Variants in RELN observed in about 807,000 individuals in gnomAD.
The protein encoded by RELN is reelin.
Under a neutral mutation model 427.6 loss-of-function variants are expected in RELN, and 108 were observed. The observed-to-expected ratio is 0.25, with a 90% confidence interval of 0.22 to 0.30. The LOEUF (loss-of-function observed/expected upper bound fraction) is 0.30, where lower values mean the gene tolerates loss of function less well. RELN is among the 10% of genes least tolerant of loss of function. RELN has a pLI of 1.00. For missense variants in RELN, 3,715 were observed against 4,302.8 expected (o/e 0.86, Z 3.82); for synonymous variants, 1,524 against 1,513.4 (o/e 1.01, Z -0.16).
intron 30 of RELN, 61 bp from the exon 31 acceptor site, chr7:103,572,321 G>A (rs1040180520): frequency 2.1e-5 from 19 of 912,240 alleles, no homozygotes; most frequent in African/African-American, 1.8e-4. Context: ...GTAAGCATTA[G>A]CGTTTTGACA....
In RELN at chr7:103,500,827, C is replaced by T. The variant is rs1189962234; in HGVS notation, c.8585G>A (p.Gly2862Asp). 6.2e-7 allele frequency: 1 copy of T among 1,614,106 alleles called. No homozygotes were observed. The highest frequency in any genetic ancestry group is 2.2e-5 in the East Asian group (1 of 44,886). The change falls in exon 53 of 65, where the codon GGC becomes GAC. Residue 2862 changes from glycine (G) to aspartate (D), a missense_variant. Gly to Asp is a moderately conservative substitution (Grantham distance 94, BLOSUM62 -1). Around this residue, in one of 4 missense-constraint regions of RELN, gnomAD observed 1,310 missense variants for 1,643.0 expected, o/e 0.80. Transcript: ENST00000428762. ...LGPGCLDNCRGHGDCLREQCI... is the reference protein window; with the variant it reads ...LGPGCLDNCRDHGDCLREQCI... ...CTGTTCCCTTAAGCAATCTCCATGG[C>T]CCCTGCAGTTGTCCAAGCATCCAGG...
chr7:103,691,643 T>C (rs1240195528), intron 10 of RELN, among the ~76,000 whole-genome samples: 1 of 151,942 alleles, frequency 6.6e-6, no homozygotes, highest in Non-Finnish European at 1.5e-5. Flanking sequence ...CAAAACCCCA[T>C]CTTTACTAAA....
intron 10 of RELN, among the ~76,000 whole-genome samples, chr7:103,693,540 CA>C (rs1418308790): frequency 8.3e-6 from 1 of 120,526 alleles, no homozygotes; most frequent in East Asian, 2.4e-4. Flanking sequence ...CAAAATCCAG[CA>C]AAATAAAAAA....
At chr7:103,777,337 C>G (rs1388769446) in intron 3 of RELN, among the ~76,000 whole-genome samples, 1 of 152,084 alleles carries the variant, frequency 6.6e-6, no homozygotes, top group African/African-American at 2.4e-5. Flanking sequence ...TAAAAAGAAT[C>G]TTTCTGGCAC....
At position 103,753,977 on chromosome 7, in the gene RELN, T is replaced by C. The variant is rs1175863105; in HGVS notation, c.545-763A>G. Among the ~76,000 whole-genome samples, 7 of 152,324 alleles carry C rather than the reference T, an allele frequency of 4.6e-5. No individual in the cohort carries two copies. In the East Asian group the frequency reaches 7.7e-4, roughly 17 times the overall value. On this transcript the variant is annotated intron_variant, in intron 4 of 64. Coordinates refer to ENST00000428762, the MANE Select transcript of RELN (RefSeq NM_005045.4). ...TTCTAATAAAAATGAAAACATTTTG[T>C]CAAGGTGGATCTGGACATTAAAGGA...
At chr7:103,674,923 C>T (rs1289714424) in intron 11 of RELN, among the ~76,000 whole-genome samples, 1 of 152,138 alleles carries the variant, frequency 6.6e-6, no homozygotes, top group East Asian at 1.9e-4. Flanking sequence ...AACCCACAGC[C>T]AATATCATAC....
At chr7:103,884,648 A>C (rs1326822622) in intron 2 of RELN, among the ~76,000 whole-genome samples, 1 of 152,238 alleles carries the variant, frequency 6.6e-6, no homozygotes, top group Non-Finnish European at 1.5e-5. Context: ...TTCTCAAAAG[A>C]AGACATTTAT....
At chr7:103,940,104 G>T (rs1796079530) in intron 1 of RELN, among the ~76,000 whole-genome samples, 1 of 152,136 alleles carries the variant, frequency 6.6e-6, no homozygotes, top group African/African-American at 2.4e-5. Context: ...CAAAAAAATG[G>T]AAAGAAATAT....
chr7:103,727,227 A>G (rs1790234209), intron 7 of RELN, among the ~76,000 whole-genome samples: 1 of 152,156 alleles, frequency 6.6e-6, no homozygotes, highest in Non-Finnish European at 1.5e-5. Flanking sequence ...AGAAGGGTGA[A>G]AAATACAACC....
At chr7:103,965,325 T>C (rs1449891611) in intron 1 of RELN, among the ~76,000 whole-genome samples, 2 of 152,162 alleles carry the variant, frequency 1.3e-5, no homozygotes, top group Non-Finnish European at 2.9e-5. Context: ...ATGCTGAAAA[T>C]AACTCAGAAG....
intron 3 of RELN, among the ~76,000 whole-genome samples, chr7:103,778,876 T>C (rs1016998251): frequency 6.6e-6 from 1 of 152,314 alleles, no homozygotes; most frequent in East Asian, 1.9e-4. Flanking sequence ...AGCCCTAGCT[T>C]TTCAAAATTA....
intron 12 of RELN, among the ~76,000 whole-genome samples, chr7:103,658,074 C>T (rs1017344907): frequency 6.6e-6 from 1 of 152,060 alleles, no homozygotes; most frequent in Non-Finnish European, 1.5e-5. Flanking sequence ...TAAACAAATA[C>T]ACGAATGAGT....
intron 11 of RELN, among the ~76,000 whole-genome samples, chr7:103,679,731 G>T (rs1313332764): frequency 6.6e-6 from 1 of 151,848 alleles, no homozygotes; most frequent in Non-Finnish European, 1.5e-5. Flanking sequence ...GATCGATTTA[G>T]TTGTAGCCAA....
intron 61 of RELN, chr7:103,484,194 A>G (rs1278062929): frequency 2.4e-5 from 7 of 293,310 alleles, no homozygotes; most frequent in South Asian, 8.0e-5. Context: ...AATCATCTTT[A>G]TACTAAATTC....
chr7:103,584,485 T>C (rs957243909), intron 28 of RELN, among the ~76,000 whole-genome samples: 3 of 152,112 alleles, frequency 2.0e-5, no homozygotes, highest in African/African-American at 7.2e-5. Context: ...TATATAATGG[T>C]AAAGAGTTCA....
intron 2 of RELN, among the ~76,000 whole-genome samples, chr7:103,856,438 G>T (rs13233184): frequency 0.14 from 21,672 of 151,462 alleles, 1,828 homozygotes; most frequent in East Asian, 0.34. Flanking sequence ...CTGTGGTGGT[G>T]CATGCCTGTA....
chr7:103,936,739 GAC>G (rs1447002077), intron 1 of RELN, among the ~76,000 whole-genome samples: 1 of 92,082 alleles, frequency 1.1e-5, no homozygotes, highest in Non-Finnish European at 2.2e-5. Context: ...CAGACAGACA[GAC>G]AGACACACAC....
intron 22 of RELN, among the ~76,000 whole-genome samples, chr7:103,605,134 G>A (rs1831788272): frequency 1.3e-5 from 2 of 152,090 alleles, no homozygotes; most frequent in Admixed American, 6.6e-5. Flanking sequence ...CCTGCCAACT[G>A]AGCCTTTTAT....
At position 103,989,098 on chromosome 7, in the gene RELN, C is replaced by A; in HGVS notation, c.226+33G>T. 2 of 1,593,844 alleles carry A rather than the reference C, an allele frequency of 1.3e-6. No homozygotes were observed. Among genetic ancestry groups the A allele is most frequent in the African/African-American group, 1.3e-5 (1 of 74,614 alleles). On this transcript the variant is annotated intron_variant, in intron 1 of 64. Coordinates refer to ENST00000428762, the MANE Select transcript of RELN (RefSeq NM_005045.4). The surrounding 1 kb of genome is among the most constrained non-coding windows in gnomAD (Gnocchi z 4.9). ...AAGGTGCGCTGGCGGGCGCACCCGGCGGCGGCGAGCGCGGAGGTGCTGCGG... is the reference window on the plus strand; with the variant it reads ...AAGGTGCGCTGGCGGGCGCACCCGGAGGCGGCGAGCGCGGAGGTGCTGCGG...
Sources: allele counts gnomAD v4.1 joint callset (sites outside exome capture counted in the v4.1 genomes callset), GRCh38; gene constraint gnomAD v4.1.1; regional missense constraint gnomAD v4.1.1; non-coding constraint Gnocchi (gnomAD v3.1); transcripts MANE v1.5; gene names NCBI Gene and HGNC (gene_info 2026-07-23, HGNC 2026-07-21).